The following DECR1 variants were observed in gnomAD, a reference collection of about 807,000 sequenced individuals.
DECR1 encodes 2,4-dienoyl-CoA reductase 1.
DECR1 carries 44 observed loss-of-function variants against 38.8 expected under a neutral mutation model. The ratio of observed to expected loss-of-function variants is 1.13; its 90% CI spans 0.89 to 1.46. The LOEUF (loss-of-function observed/expected upper bound fraction) is 1.46. DECR1 is among the 40% of genes most tolerant of loss of function. The pLI is 0.00. For missense variants in DECR1, 428 were observed against 405.5 expected (o/e 1.06, Z -0.48); for synonymous variants, 148 against 135.2 (o/e 1.09, Z -0.66).
chr8:90,029,584 G>A (rs1813442703), intron 5 of DECR1: 1 of 152,252 alleles, frequency 6.6e-6, no homozygotes, highest in Non-Finnish European at 1.5e-5. Flanking sequence ...CAAGGCCAGA[G>A]GCCTTGGAAG....
chr8:90,002,624 T>A (rs1812645208), intron 1 of DECR1, among the ~76,000 whole-genome samples: 1 of 152,216 alleles, frequency 6.6e-6, no homozygotes, highest in Non-Finnish European at 1.5e-5. Flanking sequence ...AAACTTCTTT[T>A]GATTTGATAG....
intron 5 of DECR1, among the ~76,000 whole-genome samples, chr8:90,026,357 C>T (rs1260950992): frequency 6.6e-6 from 1 of 152,042 alleles, no homozygotes; most frequent in Non-Finnish European, 1.5e-5. Context: ...TGTTCCTGGA[C>T]TTTTTTTGGT....
At chr8:90,048,529 T>C (rs979623013) in intron 8 of DECR1, among the ~76,000 whole-genome samples, 1 of 152,122 alleles carries the variant, frequency 6.6e-6, no homozygotes, top group Non-Finnish European at 1.5e-5. Flanking sequence ...CACTCTGAAA[T>C]TGAGGCAATA....
chr8:90,020,470 C>T (rs1429642784), intron 4 of DECR1, among the ~76,000 whole-genome samples: 1 of 152,102 alleles, frequency 6.6e-6, no homozygotes, highest in Non-Finnish European at 1.5e-5. Context: ...CTCAGTGGAG[C>T]CTTGACCTCC....
At position 90,051,707 on chromosome 8, in the gene DECR1, C is replaced by T; in HGVS notation, c.916C>T (p.Leu306Phe). The T allele has an allele frequency of 6.2e-7, 1 of 1,612,646 alleles. No homozygotes were observed. The highest frequency in any genetic ancestry group is 8.5e-7 in the Non-Finnish European group (1 of 1,179,810). Residue 306 changes from leucine to phenylalanine, a missense_variant, in exon 9 of 10, where the codon CTT becomes TTT. By Grantham distance (22) the Leu-to-Phe change is conservative. Coordinates refer to ENST00000220764, the MANE Select transcript of DECR1 (RefSeq NM_001359.2). ...TAAATTTGACGGTGGAGAGGAAGTA[C>T]TTATTTCAGGGGAATTCAACGACCT... ...VIKFDGGEEVLISGEFNDLRK... is the reference protein window; with the variant it reads ...VIKFDGGEEVFISGEFNDLRK...
intron 1 of DECR1, among the ~76,000 whole-genome samples, chr8:90,002,068 G>A (rs185598884): frequency 6.6e-6 from 1 of 152,302 alleles, no homozygotes; most frequent in East Asian, 1.9e-4. Flanking sequence ...GCCCTGATGT[G>A]TGTAGGGGAA....
intron 8 of DECR1, 126 bp downstream of exon 8, chr8:90,045,121 A>G (rs529613976): frequency 6.8e-6 from 5 of 739,398 alleles, no homozygotes; most frequent in South Asian, 1.9e-5. Context: ...TTAGTTGTAA[A>G]TAATATAAAA....
chr8:90,021,057 G>T lies in DECR1; in HGVS notation c.565+1G>T, dbSNP rs201468153. The T allele has an allele frequency of 3.7e-5, 58 of 1,570,492 alleles. No individual in the cohort carries two copies. Among genetic ancestry groups the T allele is most frequent in the East Asian group, 1.8e-4 (8 of 43,334 alleles). The stretch of plus-strand genomic sequence containing the variant: ...AAACAACTAATTAAAGCACAGAAAG[G>T]TATGTTTATTTGCTTTTCTCATATT... On this transcript the variant is annotated splice_donor_variant, in intron 5 of 9. Coordinates refer to ENST00000220764, the MANE Select transcript of DECR1 (RefSeq NM_001359.2). LOFTEE classifies it high-confidence loss of function.
rs754398418 is a variant in DECR1, at chr8:90,051,910, C to CAGTTG, written c.*13_*14insAGTTG. ...AAAAGGTTCCTAAGACCACTTTGGCCTTCATCTTGGTTACAGAAAAGGGAA... is the reference window on the plus strand; with the variant it reads ...AAAAGGTTCCTAAGACCACTTTGGCCAGTTGTTCATCTTGGTTACAGAAAAGGGAA... On this transcript the variant is annotated 3_prime_UTR_variant, in exon 10 of 10. Coordinates refer to ENST00000220764, the MANE Select transcript of DECR1 (RefSeq NM_001359.2). 6.2e-7 allele frequency: 1 copy of CAGTTG among 1,612,204 alleles called. No homozygotes were observed. The highest frequency in any genetic ancestry group is 1.7e-5 in the Admixed American group (1 of 59,900).
intron 8 of DECR1, among the ~76,000 whole-genome samples, chr8:90,046,180 G>A (rs576935742): frequency 6.6e-6 from 1 of 152,352 alleles, no homozygotes; most frequent in South Asian, 2.1e-4. Context: ...AAGCTGGACG[G>A]AGAATGACTT....
chr8:90,039,455 C>T (rs1813696008), intron 6 of DECR1, among the ~76,000 whole-genome samples: 1 of 152,148 alleles, frequency 6.6e-6, no homozygotes, highest in Non-Finnish European at 1.5e-5. Flanking sequence ...AGAACTCACT[C>T]ACTATCATGA....
intron 1 of DECR1, chr8:90,005,270 T>C (rs1812711344): frequency 2.2e-6 from 1 of 450,412 alleles, no homozygotes; most frequent in African/African-American, 2.0e-5. Context: ...ATGTAGAAAA[T>C]TGAGCATTTA....
At chr8:90,021,111 G>C (rs1813149000) in intron 5 of DECR1, 55 bp downstream of exon 5, 1 of 1,433,440 alleles carries the variant, frequency 7.0e-7, no homozygotes, top group Admixed American at 2.5e-5. Flanking sequence ...GCAAGGTTCT[G>C]TGGTAAGCTC....
rs187623852 is a variant in DECR1 at position 90,016,723 on chromosome 8, G to T, written c.70-401G>T. On this transcript the variant is annotated intron_variant, in intron 1 of 9. Coordinates refer to ENST00000220764, the MANE Select transcript of DECR1 (RefSeq NM_001359.2). Reference sequence around the variant, plus strand: ...ATTTAATTTAAGCAAAACACCTGCAGCTAATAATGGTAGCATTTGTAGTGC... The same window carrying T: ...ATTTAATTTAAGCAAAACACCTGCATCTAATAATGGTAGCATTTGTAGTGC... The T allele has an allele frequency of 8.8e-5, 14 of 159,778 alleles. No homozygotes were observed. In the East Asian group the frequency reaches 2.3e-3, roughly 26 times the overall value. The allele number at this position is 159,778 out of a possible 1,614,324, so 9.9% of individuals were successfully genotyped here.
rs1310773762 is a variant in DECR1 at position 90,019,047 on chromosome 8, A to G, written c.331-39A>G. The G allele has an allele frequency of 5.0e-6, 8 of 1,607,822 alleles. No homozygotes were observed. The Admixed American group carries it at 1.0e-4, about 20-fold the overall frequency. On this transcript the variant is annotated intron_variant, in intron 3 of 9. Transcript: ENST00000220764. Reference sequence around the variant, plus strand: ...AATTTGTTCATGCGTTTGGTTTAAGAAAGCTGGAAAATGTCATATTCTTTT... The same window carrying G: ...AATTTGTTCATGCGTTTGGTTTAAGGAAGCTGGAAAATGTCATATTCTTTT...
intron 7 of DECR1, 51 bp downstream of exon 7, chr8:90,042,851 C>T (rs551865737): frequency 7.0e-7 from 1 of 1,429,126 alleles, no homozygotes; most frequent in Non-Finnish European, 9.9e-7. Flanking sequence ...AATAATGAAA[C>T]ACTGATAGGT....
At chr8:90,040,082 C>T (rs1374533159) in intron 6 of DECR1, among the ~76,000 whole-genome samples, 1 of 152,184 alleles carries the variant, frequency 6.6e-6, no homozygotes, top group African/African-American at 2.4e-5. Context: ...ATCTGGCACA[C>T]CTCTGAGCAC....
chr8:90,016,771 C>T lies in DECR1; in HGVS notation c.70-353C>T, dbSNP rs911310634. On this transcript the variant is annotated intron_variant, in intron 1 of 9. Coordinates refer to ENST00000220764, the MANE Select transcript of DECR1 (RefSeq NM_001359.2). The stretch of plus-strand genomic sequence containing the variant: ...TGCTTACTATGTGCTACACACTGCT[C>T]TAGGTGCTTTACCTGTAATAACTCA... 3 of 258,026 alleles carry T rather than the reference C, an allele frequency of 1.2e-5. No individual in the cohort carries two copies. In the South Asian group the frequency reaches 1.3e-4, roughly 11 times the overall value. 16.0% of individuals were successfully genotyped at this position (258,026 alleles called of 1,614,324 possible).
At chr8:90,003,719 A>G (rs1343057149) in intron 1 of DECR1, among the ~76,000 whole-genome samples, 2 of 152,274 alleles carry the variant, frequency 1.3e-5, no homozygotes, top group East Asian at 1.9e-4. Flanking sequence ...AGGCGGGTGG[A>G]TCATTAGATC....
Sources: gnomAD v4.1 joint callset for allele counts (sites outside exome capture counted in the v4.1 genomes callset) on GRCh38, gnomAD v4.1.1 for gene constraint, MANE v1.5 for transcripts, NCBI Gene and HGNC (gene_info 2026-07-23, HGNC 2026-07-21) for gene names.